The following KCNH8 variants were observed in gnomAD, a reference collection of about 807,000 sequenced individuals.
KCNH8 encodes the protein voltage-gated delayed rectifier potassium channel KCNH8.
In KCNH8, 70 loss-of-function variants were observed where a neutral mutation model predicts 103.6. The observed-to-expected ratio is 0.68, with a 90% CI of 0.56 to 0.82. The LOEUF is 0.82. KCNH8 is among the 40% of genes least tolerant of loss of function. KCNH8 has a pLI of 0.00. For missense variants in KCNH8, 1,217 were observed against 1,329.9 expected (o/e 0.92, Z 1.32); for synonymous variants, 498 against 489.4 (o/e 1.02, Z -0.23).
At chr3:19,343,592 A>G (rs2065690261) in intron 4 of KCNH8, among the ~76,000 whole-genome samples, 2 of 152,114 alleles carry the variant, frequency 1.3e-5, no homozygotes, top group African/African-American at 4.8e-5. Context: ...TAACTTGCCA[A>G]TGACAAGAAA....
intron 5 of KCNH8, among the ~76,000 whole-genome samples, chr3:19,374,265 A>G (rs1229159695): frequency 6.6e-6 from 1 of 151,688 alleles, no homozygotes; most frequent in Admixed American, 6.6e-5. Context: ...TAGGTCACTC[A>G]GGACTGGCTT....
At chr3:19,279,486 A>G (rs1233124851) in intron 2 of KCNH8, among the ~76,000 whole-genome samples, 1 of 151,992 alleles carries the variant, frequency 6.6e-6, no homozygotes, top group Admixed American at 6.6e-5. Flanking sequence ...CAGGTCTTCT[A>G]GAGCCTGGTA....
intron 3 of KCNH8, among the ~76,000 whole-genome samples, chr3:19,282,194 A>C (rs1166163378): frequency 6.6e-6 from 1 of 152,148 alleles, no homozygotes; most frequent in East Asian, 1.9e-4. Context: ...TTGAAATGAC[A>C]ACCCAAATGA....
chr3:19,368,390 A>G (rs536660751), intron 5 of KCNH8, among the ~76,000 whole-genome samples: 1 of 152,168 alleles, frequency 6.6e-6, no homozygotes, highest in African/African-American at 2.4e-5. Flanking sequence ...CATACTAGTC[A>G]CTGAATTTGA....
intron 12 of KCNH8, among the ~76,000 whole-genome samples, chr3:19,512,426 A>AAGTAG (rs2125242176): frequency 6.6e-6 from 1 of 152,272 alleles, no homozygotes; most frequent in South Asian, 2.1e-4. Context: ...GGAGAGCAGG[A>AAGTAG]AGTAGAGTAG....
At chr3:19,515,186 T>C in intron 13 of KCNH8, 136 bp from the exon 14 acceptor site, 2 of 434,418 alleles carry the variant, frequency 4.6e-6, no homozygotes, top group East Asian at 3.5e-5. Context: ...ATAAGGCTAA[T>C]GGTTACTATA....
At chr3:19,402,475 A>C (rs1191146020) in intron 7 of KCNH8, among the ~76,000 whole-genome samples, 1 of 151,932 alleles carries the variant, frequency 6.6e-6, no homozygotes, top group African/African-American at 2.4e-5. Flanking sequence ...ATAAGAGTAT[A>C]TGTGAAAGCA....
At position 19,534,631 on chromosome 3, in the gene KCNH8, G is replaced by GTTAT. The variant is rs2069235931; in HGVS notation, c.*535_*538dup. 6.5e-6 allele frequency: 1 copy of GTTAT among 152,826 alleles called. No individual in the cohort carries two copies. Among genetic ancestry groups the GTTAT allele is most frequent in the Admixed American group, 6.5e-5 (1 of 15,276 alleles). The allele number at this position is 152,826 out of a possible 1,614,324, so 9.5% of individuals were successfully genotyped here. A position where few individuals can be genotyped will look rare whatever the true frequency, so the allele number is the denominator to read the frequency against. The stretch of plus-strand genomic sequence containing the variant: ...GTGGCCAGTGGTTAGCTATTCGCAC[G>GTTAT]TTATTTGCCATGTAAATGAAAACGT... On this transcript the variant is annotated 3_prime_UTR_variant, in exon 16 of 16. Coordinates refer to ENST00000328405, the MANE Select transcript of KCNH8 (RefSeq NM_144633.3).
chr3:19,402,859 T>A (rs1331049959), intron 7 of KCNH8, among the ~76,000 whole-genome samples: 1 of 151,912 alleles, frequency 6.6e-6, no homozygotes, highest in Non-Finnish European at 1.5e-5. Context: ...TTCCTTATAG[T>A]ATCTCATCAT....
chr3:19,219,897 G>T (rs1175894596), intron 1 of KCNH8, among the ~76,000 whole-genome samples: 1 of 152,096 alleles, frequency 6.6e-6, no homozygotes, highest in African/African-American at 2.4e-5. Flanking sequence ...TTTCCTACTA[G>T]CATCAAAAGC....
intron 1 of KCNH8, among the ~76,000 whole-genome samples, chr3:19,155,815 C>T (rs948226086): frequency 6.6e-6 from 1 of 152,184 alleles, no homozygotes; most frequent in African/African-American, 2.4e-5. Context: ...TTGCCCATTC[C>T]TCTAATCAGC....
intron 1 of KCNH8, among the ~76,000 whole-genome samples, chr3:19,158,902 CT>C (rs2063206823): frequency 6.6e-6 from 1 of 151,784 alleles, no homozygotes; most frequent in Non-Finnish European, 1.5e-5. Context: ...TACTTTTTCC[CT>C]TTTGTTTAAT....
intron 11 of KCNH8, among the ~76,000 whole-genome samples, chr3:19,469,501 G>A (rs534366830): frequency 2.2e-4 from 33 of 152,148 alleles, no homozygotes; most frequent in Non-Finnish European, 4.0e-4. Flanking sequence ...ATGCAGTGGC[G>A]CGATCTCGGC....
intron 2 of KCNH8, among the ~76,000 whole-genome samples, chr3:19,272,805 T>A (rs76607527): frequency 6.6e-6 from 1 of 152,166 alleles, no homozygotes; most frequent in Admixed American, 6.5e-5. Context: ...TTTTTCTTTT[T>A]TCCTATAGCA....
At chr3:19,449,996 G>C (rs2067421738) in intron 8 of KCNH8, 110 bp from the exon 9 acceptor site, 5 of 863,040 alleles carry the variant, frequency 5.8e-6, no homozygotes, top group Non-Finnish European at 9.0e-6. Flanking sequence ...ACATGGCCAT[G>C]TAACCATGCT....
chr3:19,305,140 A>G (rs2065114351), intron 3 of KCNH8, among the ~76,000 whole-genome samples: 1 of 152,162 alleles, frequency 6.6e-6, no homozygotes, highest in South Asian at 2.1e-4. Flanking sequence ...ATCAAGAACC[A>G]GAATGACATT....
intron 1 of KCNH8, among the ~76,000 whole-genome samples, chr3:19,156,199 A>G (rs973397644): frequency 1.3e-5 from 2 of 152,160 alleles, no homozygotes; most frequent in Non-Finnish European, 2.9e-5. Flanking sequence ...CATGCTGTGT[A>G]CTGTGCTGGT....
At chr3:19,366,613 A>C (rs2066014508) in intron 5 of KCNH8, among the ~76,000 whole-genome samples, 1 of 151,980 alleles carries the variant, frequency 6.6e-6, no homozygotes, top group Admixed American at 6.6e-5. Flanking sequence ...TTACCAAACG[A>C]GTTCTGCTAT....
chr3:19,299,105 C>T (rs373930394), intron 3 of KCNH8, among the ~76,000 whole-genome samples: 4 of 151,638 alleles, frequency 2.6e-5, no homozygotes, highest in African/African-American at 9.7e-5. Flanking sequence ...TGACAGTGTC[C>T]CTTGGTGTAG....
Sources: gnomAD v4.1 joint callset for allele counts (sites outside exome capture counted in the v4.1 genomes callset) on GRCh38, gnomAD v4.1.1 for gene constraint, MANE v1.5 for transcripts, NCBI Gene and HGNC (gene_info 2026-07-23, HGNC 2026-07-21) for gene names.